The following MYL4 variants were observed in gnomAD, a reference collection of about 807,000 sequenced individuals.
The protein encoded by MYL4 is atrial myosin light chain 1.
MYL4 carries 16 observed loss-of-function variants against 21.6 expected under a neutral mutation model. The observed-to-expected ratio is 0.74, with a 90% CI of 0.50 to 1.12. The LOEUF is 1.12. Ranked by LOEUF, MYL4 falls within the 50% of genes most tolerant of loss-of-function variation. The pLI is 0.00. For missense variants in MYL4, 249 were observed against 252.9 expected (o/e 0.98, Z 0.11); for synonymous variants, 82 against 95.7 (o/e 0.86, Z 0.83).
chr17:47,202,940 A>AATTTATTT (rs141096915), intron 1 of MYL4, among the ~76,000 whole-genome samples: 17 of 151,848 alleles, frequency 1.1e-4, no homozygotes, highest in African/African-American at 3.9e-4. Context: ...TTGAAGCTTA[A>AATTTATTT]ATTTATTTAT....
chr17:47,192,347 TCCG>T, the MYL4 span, among the ~76,000 whole-genome samples: 1 of 122,150 alleles, frequency 8.2e-6, no homozygotes, highest in Admixed American at 8.7e-5. Context: ...AGAGCAAAAC[TCCG>T]TCTCAAAAAA....
At chr17:47,223,158 T>C in intron 6 of MYL4, 101 bp downstream of exon 6, 1 of 1,251,030 alleles carries the variant, frequency 8.0e-7, no homozygotes, top group Non-Finnish European at 1.1e-6. Context: ...CCTGACCCCT[T>C]AAGAGGAAAC....
At chr17:47,218,058 C>A (rs145879973) in intron 2 of MYL4, among the ~76,000 whole-genome samples, 2,397 of 142,540 alleles carry the variant, frequency 0.017, 45 homozygotes, top group African/African-American at 0.053. Flanking sequence ...AAAAAAAAAA[C>A]AAAAAACTAA....
chr17:47,219,857 C>T (rs753378328), intron 2 of MYL4, 47 bp from the exon 3 acceptor site: 28 of 1,611,860 alleles, frequency 1.7e-5, no homozygotes, highest in Non-Finnish European at 1.0e-5. Flanking sequence ...CACCAGCCAC[C>T]ACCTTCACTG....
the MYL4 span, among the ~76,000 whole-genome samples, chr17:47,192,269 G>A: frequency 6.6e-6 from 1 of 151,368 alleles, no homozygotes; most frequent in Non-Finnish European, 1.5e-5. Flanking sequence ...CAGGAGAATC[G>A]CTTGAACCTG....
intron 1 of MYL4, among the ~76,000 whole-genome samples, chr17:47,202,702 CTAA>C (rs1442487015): frequency 6.6e-6 from 1 of 150,680 alleles, no homozygotes. Context: ...AAAAGCAACT[CTAA>C]ATTTATTAAT....
At chr17:47,193,211 C>G in the MYL4 span, among the ~76,000 whole-genome samples, 22 of 151,618 alleles carry the variant, frequency 1.5e-4, no homozygotes, top group Middle Eastern at 6.8e-3. Context: ...TCAAATCATC[C>G]TCTTCTTTTG....
the MYL4 span, among the ~76,000 whole-genome samples, chr17:47,192,415 C>T: frequency 6.6e-6 from 1 of 151,618 alleles, no homozygotes; most frequent in Non-Finnish European, 1.5e-5. Flanking sequence ...TTTAGGAGGC[C>T]AAGGCGGGCA....
the MYL4 span, among the ~76,000 whole-genome samples, chr17:47,194,181 T>TCATAGGTACTTTG: frequency 1.3e-5 from 2 of 152,350 alleles, no homozygotes; most frequent in Admixed American, 1.3e-4. Context: ...TCTGGATGTC[T>TCATAGGTACTTTG]CATAGGTACT....
rs775042268 is a variant in MYL4 at position 47,221,681 on chromosome 17, G to C, written c.314-1G>C. 9.3e-6 allele frequency: 15 copies of C among 1,611,978 alleles called. No individual in the cohort carries two copies. The East Asian group carries it at 1.8e-4, about 19-fold the overall frequency. On this transcript the variant is annotated splice_acceptor_variant, in intron 3 of 6. Coordinates refer to ENST00000393450, the MANE Select transcript of MYL4 (RefSeq NM_002476.2). LOFTEE classifies it high-confidence loss of function. Reference sequence around the variant, plus strand: ...TCTTTCTTTACCCTGCCTGCCTGAAGAGATGAATGTCAAGATGCTGGACTT... The same window carrying C: ...TCTTTCTTTACCCTGCCTGCCTGAACAGATGAATGTCAAGATGCTGGACTT...
At chr17:47,209,713 T>C in intron 1 of MYL4, 156 bp downstream of exon 1, 1 of 1,088,244 alleles carries the variant, frequency 9.2e-7, no homozygotes, top group Non-Finnish European at 1.4e-6. Flanking sequence ...GGAGTGGGTG[T>C]TGGGGCTGAT....
At position 47,223,536 on chromosome 17, in the gene MYL4, C is replaced by A. The variant is rs2064872385; in HGVS notation, c.*43C>A. 1 of 155,968 alleles carries A rather than the reference C, an allele frequency of 6.4e-6. No individual in the cohort carries two copies. The highest frequency in any genetic ancestry group is 1.4e-5 in the Non-Finnish European group (1 of 70,562). 9.7% of individuals were successfully genotyped at this position (155,968 alleles called of 1,614,324 possible). On this transcript the variant is annotated 3_prime_UTR_variant, in exon 7 of 7. Coordinates refer to ENST00000393450, the MANE Select transcript of MYL4 (RefSeq NM_002476.2). ...GCCTGGCCCTTGGCTTTAGCCATAC[C>A]AGGGTGAGTTAAAGAGAGGCCCCGG...
chr17:47,197,851 G>A (rs2064695252), upstream of MYL4, among the ~76,000 whole-genome samples: 2 of 152,210 alleles, frequency 1.3e-5, no homozygotes, highest in South Asian at 2.1e-4. Context: ...ATGGTGGGGA[G>A]CATCTGTAAT....
chr17:47,201,617 T>C (rs113838258), intron 1 of MYL4, among the ~76,000 whole-genome samples: 2,458 of 152,124 alleles, frequency 0.016, 53 homozygotes, highest in African/African-American at 0.056. Flanking sequence ...CCACAGCACC[T>C]GGCTAATTTT....
intron 5 of MYL4, 127 bp downstream of exon 5, chr17:47,222,584 G>A: frequency 1.3e-6 from 1 of 770,922 alleles, no homozygotes; most frequent in Non-Finnish European, 2.2e-6. Flanking sequence ...CCCATTGGAT[G>A]TTGTTCTGTT....
chr17:47,196,586 T>A (rs1383915924), upstream of MYL4, among the ~76,000 whole-genome samples: 2 of 152,250 alleles, frequency 1.3e-5, no homozygotes, highest in African/African-American at 4.8e-5. Context: ...TTATTCTTTC[T>A]TCCTGAAATA....
chr17:47,204,241 C>T (rs537934763), upstream of MYL4, among the ~76,000 whole-genome samples: 4 of 152,316 alleles, frequency 2.6e-5, no homozygotes, highest in East Asian at 3.9e-4. Flanking sequence ...CATTCCACAG[C>T]TGTGCCTGGC....
At chr17:47,191,289 C>G in the MYL4 span, among the ~76,000 whole-genome samples, 1 of 152,082 alleles carries the variant, frequency 6.6e-6, no homozygotes, top group African/African-American at 2.4e-5. Flanking sequence ...ATCTACCACG[C>G]TAGATATGAG....
At chr17:47,207,678 T>C (rs2064737534), upstream of MYL4, among the ~76,000 whole-genome samples, 1 of 152,202 alleles carries the variant, frequency 6.6e-6, no homozygotes, top group South Asian at 2.1e-4. Flanking sequence ...AACTGTAGAG[T>C]CTAAAGATTC....
Sources: allele counts gnomAD v4.1 joint callset (sites outside exome capture counted in the v4.1 genomes callset), GRCh38; gene constraint gnomAD v4.1.1; transcripts MANE v1.5; gene names NCBI Gene and HGNC (gene_info 2026-07-23, HGNC 2026-07-21).